The following ITPRIPL1 variants were observed in gnomAD, a reference collection of about 807,000 sequenced individuals.
The protein encoded by ITPRIPL1 is ITPRIP like 1.
Under a neutral mutation model 40.0 loss-of-function variants are expected in ITPRIPL1, and 28 were observed. That is an observed-to-expected ratio of 0.70 (90% confidence interval 0.52 to 0.96). The LOEUF (loss-of-function observed/expected upper bound fraction) is 0.96. ITPRIPL1 is among the 40% of genes least tolerant of loss of function. The pLI is 0.00. For missense variants in ITPRIPL1, 638 were observed against 698.0 expected (o/e 0.91, Z 0.97); for synonymous variants, 251 against 275.7 (o/e 0.91, Z 0.89).
chr2:96,326,435 A>C, intron 2 of ITPRIPL1: 1 of 1,551,518 alleles, frequency 6.4e-7, no homozygotes, highest in Non-Finnish European at 8.6e-7. Context: ...AGAGAGACTG[A>C]GTGGCACATC....
downstream of ITPRIPL1, chr2:96,328,586 A>T (rs1003612343): frequency 3.1e-6 from 1 of 326,518 alleles, no homozygotes; most frequent in African/African-American, 2.1e-5. Flanking sequence ...GCTGCTAAGG[A>T]GGTGAGATCC....
Position 96,327,265 on chromosome 2 carries a change from C to A in ITPRIPL1, c.634C>A (p.Gln212Lys). ...GCTCAGCCGCCAAGAGGCTCACCCA[C>A]AATTGGAAGACTGCCTGGGCATCGG... ...RVLSRQEAHP[Q>K]LEDCLGIGAA... Residue 212 changes from glutamine to lysine, a missense_variant, in exon 3 of 3, where the codon CAA (glutamine) becomes AAA (lysine). Coordinates refer to ENST00000439118, the MANE Select transcript of ITPRIPL1 (RefSeq NM_001008949.3). 1 of 1,614,166 alleles carries A rather than the reference C, an allele frequency of 6.2e-7. No homozygotes were observed. Among genetic ancestry groups the A allele is most frequent in the Non-Finnish European group, 8.5e-7 (1 of 1,180,032 alleles).
chr2:96,325,607 A>C, intron 1 of ITPRIPL1, 42 bp downstream of exon 1: 1 of 593,924 alleles, frequency 1.7e-6, no homozygotes, highest in Non-Finnish European at 3.0e-6. Flanking sequence ...ATCCCGAGGT[A>C]GGATGGGCCC....
rs781541816 is a variant in ITPRIPL1 at position 96,328,201 on chromosome 2, C to G, written c.1570C>G (p.Leu524Val). The change falls in exon 3 of 3, where the codon CTC becomes GTC. Residue 524 changes from leucine (L) to valine (V), a missense_variant. Transcript: ENST00000439118. ...EPVNLFQHLV[L>V]NPKAHSQAVE... Reference sequence around the variant, plus strand: ...GGTCAATCTCTTCCAACACCTGGTGCTCAACCCCAAGGCACATTCACAGGC... The same window carrying G: ...GGTCAATCTCTTCCAACACCTGGTGGTCAACCCCAAGGCACATTCACAGGC... The G allele has an allele frequency of 1.2e-6, 2 of 1,614,160 alleles. No individual in the cohort carries two copies. The highest frequency in any genetic ancestry group is 1.7e-6 in the Non-Finnish European group (2 of 1,180,024).
Position 96,327,516 on chromosome 2 carries a change from C to A in ITPRIPL1, c.885C>A (p.Val295=). The change falls in exon 3 of 3, where the codon GTC becomes GTA. Residue 295 remains valine, a synonymous_variant. Transcript: ENST00000439118. The stretch of plus-strand genomic sequence containing the variant: ...ACCACCACAGGGACCCCTCGGCAGT[C>A]TTGGGGAAGTGTAGTAGCTCCATCA... ...LVHHHRDPSA[V]LGKCSSSIKA... 6.2e-7 allele frequency: 1 copy of A among 1,614,078 alleles called. No homozygotes were observed. The highest frequency in any genetic ancestry group is 8.5e-7 in the Non-Finnish European group (1 of 1,180,006).
Position 96,328,275 on chromosome 2 carries a change from T to C in ITPRIPL1, c.1644T>C (p.His548=). 6.2e-7 allele frequency: 1 copy of C among 1,613,342 alleles called. No homozygotes were observed. The highest frequency in any genetic ancestry group is 8.5e-7 in the Non-Finnish European group (1 of 1,179,612). The change falls in exon 3 of 3, where the codon CAT becomes CAC. Residue 548 remains histidine (H), a synonymous_variant. Coordinates refer to ENST00000439118, the MANE Select transcript of ITPRIPL1 (RefSeq NM_001008949.3). ...NLLTQVKTLP[H]APLAAAP is the part of the protein sequence containing the mutation. ...TGACCCAGGTGAAAACTCTGCCTCA[T>C]GCCCCACTGGCTGCAGCACCTTGAT...
Position 96,328,305 on chromosome 2 carries a change from A to G in ITPRIPL1, c.*6A>G. The G allele has an allele frequency of 6.3e-7, 1 of 1,582,888 alleles. No homozygotes were observed. Among genetic ancestry groups the G allele is most frequent in the Non-Finnish European group, 8.6e-7 (1 of 1,168,914 alleles). ...CACTGGCTGCAGCACCTTGATGTAA[A>G]GACCATTAAAAAAAAAACAGAGGAA... On this transcript the variant is annotated 3_prime_UTR_variant, in exon 3 of 3. Transcript: ENST00000439118.
chr2:96,329,658 G>C (rs1374572021), downstream of ITPRIPL1: 2 of 151,010 alleles, frequency 1.3e-5, no homozygotes, highest in Non-Finnish European at 2.9e-5. Context: ...TGCCAGGTTT[G>C]TATAGGAAAG....
At position 96,326,625 on chromosome 2, in the gene ITPRIPL1, C is replaced by T. The variant is rs756338453; in HGVS notation, c.11-17C>T. ...TCTGGAAGATGACCACTGACTCCTA[C>T]TCTCCTACTTCTCCAGATGCAGAGG... On this transcript the variant is annotated splice_polypyrimidine_tract_variant and intron_variant, in intron 2 of 2. Transcript: ENST00000439118. 3 of 1,614,172 alleles carry T rather than the reference C, an allele frequency of 1.9e-6. No homozygotes were observed. The highest frequency in any genetic ancestry group is 4.5e-5 in the East Asian group (2 of 44,890).
intron 2 of ITPRIPL1, chr2:96,326,281 T>C (rs1249151198): frequency 6.9e-6 from 10 of 1,445,638 alleles, no homozygotes; most frequent in Non-Finnish European, 9.2e-6. Context: ...AGGTCATATC[T>C]GGTGCCCATG....
chr2:96,329,984 G>T (rs1370916010), downstream of ITPRIPL1: 1 of 152,190 alleles, frequency 6.6e-6, no homozygotes, highest in Non-Finnish European at 1.5e-5. Flanking sequence ...AGGTGCAGTG[G>T]CTCACACCTG....
chr2:96,326,414 A>G (rs2064107332), intron 2 of ITPRIPL1: 6 of 1,544,176 alleles, frequency 3.9e-6, no homozygotes, highest in Non-Finnish European at 5.2e-6. Context: ...ACCATGTGGA[A>G]GGAAAGCAGG....
chr2:96,327,944 G>A lies in ITPRIPL1; in HGVS notation c.1313G>A (p.Gly438Glu), dbSNP rs2064131736. 1.9e-6 allele frequency: 3 copies of A among 1,613,828 alleles called. No individual in the cohort carries two copies. The highest frequency in any genetic ancestry group is 1.3e-5 in the African/African-American group (1 of 74,894). The change falls in exon 3 of 3, where the codon GGA (glycine) becomes GAA (glutamate). Residue 438 changes from glycine to glutamate, a missense_variant. Gly to Glu is a moderately conservative substitution (Grantham distance 98, BLOSUM62 -2). Coordinates refer to ENST00000439118, the MANE Select transcript of ITPRIPL1 (RefSeq NM_001008949.3). ...SLRQHQSLPH[G>E]ASRPILTSYH... ...CGGCAGCATCAGAGCTTACCCCATG[G>A]AGCATCCCGCCCCATCCTCACTTCT...
Position 96,327,803 on chromosome 2 carries a change from G to A in ITPRIPL1, c.1172G>A (p.Ser391Asn), listed in dbSNP as rs1469692827. 4 of 1,614,098 alleles carry A rather than the reference G, an allele frequency of 2.5e-6. No homozygotes were observed. The highest frequency in any genetic ancestry group is 2.2e-5 in the East Asian group (1 of 44,890). Residue 391 changes from serine (S) to asparagine (N), a missense_variant, in exon 3 of 3, where the codon AGT becomes AAT. Transcript: ENST00000439118. ...GCTCCTGACCAGGAGCAGCTCACCA[G>A]TGTGGACTGGCCTGAGTCCTTTGTG... Reference protein sequence around the residue: ...SQAPDQEQLTSVDWPESFVAC... With the variant: ...SQAPDQEQLTNVDWPESFVAC...
At chr2:96,329,519 T>C (rs1049931678), downstream of ITPRIPL1, 6 of 151,686 alleles carry the variant, frequency 4.0e-5, no homozygotes, top group African/African-American at 7.3e-5. Context: ...AGCTGCCATG[T>C]TTAGCTGTGC....
Position 96,328,150 on chromosome 2 carries a change from C to T in ITPRIPL1, c.1519C>T (p.Pro507Ser). 6.2e-7 allele frequency: 1 copy of T among 1,614,064 alleles called. No individual in the cohort carries two copies. Among genetic ancestry groups the T allele is most frequent in the Non-Finnish European group, 8.5e-7 (1 of 1,180,026 alleles). ...NNFLPLTIPI[P>S]KTFRNAEPVN... ...TTTTCTGCCCCTGACCATCCCAATC[C>T]CTAAGACATTTAGGAATGCTGAGCC... Residue 507 changes from proline to serine, a missense_variant, in exon 3 of 3, where the codon CCT becomes TCT. Physicochemically the swap from Pro to Ser is moderately conservative, Grantham distance 74. Coordinates refer to ENST00000439118, the MANE Select transcript of ITPRIPL1 (RefSeq NM_001008949.3).
rs1573049929 is a variant in ITPRIPL1 at position 96,328,016 on chromosome 2, T to C, written c.1385T>C (p.Leu462Pro). 5 of 1,614,176 alleles carry C rather than the reference T, an allele frequency of 3.1e-6. No individual in the cohort carries two copies. The highest frequency in any genetic ancestry group is 4.2e-6 in the Non-Finnish European group (5 of 1,180,024). Residue 462 changes from leucine to proline, a missense_variant, in exon 3 of 3, where the codon CTC (leucine) becomes CCC (proline). Coordinates refer to ENST00000439118, the MANE Select transcript of ITPRIPL1 (RefSeq NM_001008949.3). ...ALMHLLLRLP[L>P]TDWAHNMLSQ... is the part of the protein sequence containing the mutation. Reference sequence around the variant, plus strand: ...ATGCACCTCTTGCTACGGCTGCCCCTCACGGACTGGGCCCACAACATGCTC... The same window carrying C: ...ATGCACCTCTTGCTACGGCTGCCCCCCACGGACTGGGCCCACAACATGCTC...
At chr2:96,326,550 G>A in intron 2 of ITPRIPL1, 92 bp from the exon 3 acceptor site, 8 of 1,581,060 alleles carry the variant, frequency 5.1e-6, no homozygotes, top group East Asian at 2.2e-5. Context: ...CTGATTTTCA[G>A]AATTTGGGGT....
chr2:96,327,634 C>T lies in ITPRIPL1; in HGVS notation c.1003C>T (p.His335Tyr). Residue 335 changes from histidine to tyrosine, a missense_variant, in exon 3 of 3, where the codon CAC (histidine) becomes TAC (tyrosine). His to Tyr is a moderately conservative substitution (Grantham distance 83). Transcript: ENST00000439118. ...MMGNAWALVAHKYDFKLSLPP... is the reference protein window; with the variant it reads ...MMGNAWALVAYKYDFKLSLPP... The stretch of plus-strand genomic sequence containing the variant: ...GGGCAATGCCTGGGCCCTTGTGGCC[C>T]ACAAGTATGACTTTAAACTCAGTCT... 6.2e-7 allele frequency: 1 copy of T among 1,611,928 alleles called. No individual in the cohort carries two copies. The highest frequency in any genetic ancestry group is 1.1e-5 in the South Asian group (1 of 90,770).
Sources: allele counts gnomAD v4.1 joint callset, GRCh38; gene constraint gnomAD v4.1.1; transcripts MANE v1.5; gene names NCBI Gene and HGNC (gene_info 2026-07-23, HGNC 2026-07-21).